Variants in PRIM2 observed in about 807,000 individuals in gnomAD.
The protein encoded by PRIM2 is DNA primase subunit 2.
PRIM2 carries 39 observed loss-of-function variants against 67.3 expected under a neutral mutation model. The ratio of observed to expected loss-of-function variants is 0.58; its 90% CI spans 0.45 to 0.76. The LOEUF (loss-of-function observed/expected upper bound fraction) is 0.76. Ranked by LOEUF, PRIM2 falls within the 30% of genes least tolerant of loss-of-function variation. PRIM2 has a pLI of 0.00. For missense variants in PRIM2, 398 were observed against 598.7 expected, an observed-to-expected ratio of 0.66 and a Z score of 3.50; for synonymous variants, 143 against 198.7, an observed-to-expected ratio of 0.72 and a Z score of 2.36.
the PRIM2 span, among the ~76,000 whole-genome samples, chr6:57,256,016 C>T: frequency 1.8e-5 from 2 of 110,032 alleles, no homozygotes; most frequent in African/African-American, 1.1e-4. Context: ...CACGCACACA[C>T]ACACACATAC....
At chr6:57,324,116 C>T in intron 3 of PRIM2, 85 bp from the exon 4 acceptor site, 1 of 715,226 alleles carries the variant, frequency 1.4e-6, no homozygotes, top group Non-Finnish European at 2.4e-6. Flanking sequence ...ACTTACTTTA[C>T]CATTGGCTTA....
intron 7 of PRIM2, among the ~76,000 whole-genome samples, chr6:57,434,280 G>T (rs192265753): frequency 1.3e-5 from 2 of 152,054 alleles, no homozygotes; most frequent in Admixed American, 6.5e-5. Flanking sequence ...GGGTGGTTGG[G>T]TTAACACATG....
chr6:57,250,405 C>G, the PRIM2 span, among the ~76,000 whole-genome samples: 52 of 152,020 alleles, frequency 3.4e-4, no homozygotes, highest in Admixed American at 3.4e-3. Flanking sequence ...TACTTATAAT[C>G]CAAGGGAAAA....
chr6:57,222,445 G>C, the PRIM2 span: 2 of 152,416 alleles, frequency 1.3e-5, no homozygotes, highest in African/African-American at 2.4e-5. Flanking sequence ...GATCAGAGAC[G>C]AGCAGGATCT....
the PRIM2 span, among the ~76,000 whole-genome samples, chr6:57,232,496 C>A: frequency 1.3e-5 from 2 of 152,176 alleles, no homozygotes; most frequent in African/African-American, 4.8e-5. Context: ...TTGCAGTGAG[C>A]TGAGATCGCG....
At chr6:57,222,127 G>A in the PRIM2 span, 1 of 152,256 alleles carries the variant, frequency 6.6e-6, no homozygotes, top group African/African-American at 2.4e-5. Context: ...AGCTCTCCCT[G>A]CGGGGCCGAG....
the PRIM2 span, among the ~76,000 whole-genome samples, chr6:57,287,088 C>T: frequency 2.0e-5 from 3 of 152,042 alleles, no homozygotes; most frequent in Non-Finnish European, 4.4e-5. Flanking sequence ...GAATGGTAAT[C>T]GTTAAAATGT....
intron 12 of PRIM2, among the ~76,000 whole-genome samples, chr6:57,613,403 A>G (rs1776699783): frequency 6.6e-6 from 1 of 152,192 alleles, no homozygotes; most frequent in African/African-American, 2.4e-5. Context: ...GTTAGAAAGA[A>G]AGTATAATGT....
intron 10 of PRIM2, among the ~76,000 whole-genome samples, chr6:57,539,654 GTGTATATATATA>G (rs1169852594): frequency 1.1e-3 from 64 of 55,884 alleles, no homozygotes; most frequent in Middle Eastern, 9.4e-3. Context: ...GTGTGTGTGT[GTGTATATATATA>G]TATATATGCA....
intron 7 of PRIM2, among the ~76,000 whole-genome samples, chr6:57,406,901 A>G (rs1449321355): frequency 6.6e-6 from 1 of 151,774 alleles, no homozygotes; most frequent in Non-Finnish European, 1.5e-5. Context: ...TTGTTCATGT[A>G]TAAGATTGTA....
At chr6:57,370,596 A>G (rs1008645725) in intron 5 of PRIM2, among the ~76,000 whole-genome samples, 1 of 152,036 alleles carries the variant, frequency 6.6e-6, no homozygotes, top group African/African-American at 2.4e-5. Context: ...AGGAAGTGAC[A>G]TGAAATTTAG....
intron 7 of PRIM2, among the ~76,000 whole-genome samples, chr6:57,440,619 G>A (rs546518561): frequency 2.6e-5 from 4 of 152,204 alleles, no homozygotes; most frequent in Admixed American, 6.5e-5. Context: ...GTTTTCTTTG[G>A]GTTTCAAGCT....
At chr6:57,325,300 T>G (rs1767808615) in intron 4 of PRIM2, among the ~76,000 whole-genome samples, 1 of 92,344 alleles carries the variant, frequency 1.1e-5, no homozygotes, top group Non-Finnish European at 2.4e-5. Flanking sequence ...CTTTTCTCTC[T>G]CTCTCTTTTT....
chr6:57,432,828 C>G (rs1771879070), intron 7 of PRIM2, among the ~76,000 whole-genome samples: 1 of 152,190 alleles, frequency 6.6e-6, no homozygotes, highest in Non-Finnish European at 1.5e-5. Flanking sequence ...CTAAATTTTG[C>G]TGTAGTTAAG....
At chr6:57,619,181 C>T (rs1325720209) in intron 12 of PRIM2, among the ~76,000 whole-genome samples, 1 of 152,150 alleles carries the variant, frequency 6.6e-6, no homozygotes, top group African/African-American at 2.4e-5. Context: ...ACAATTATTG[C>T]AGTTCGGCTC....
At chr6:57,451,575 G>C (rs1180578217) in intron 7 of PRIM2, among the ~76,000 whole-genome samples, 4 of 151,926 alleles carry the variant, frequency 2.6e-5, no homozygotes, top group Admixed American at 6.6e-5. Flanking sequence ...TTCATTTAAG[G>C]CTCATTCCAG....
chr6:57,256,842 G>A, the PRIM2 span, among the ~76,000 whole-genome samples: 1 of 152,122 alleles, frequency 6.6e-6, no homozygotes, highest in Non-Finnish European at 1.5e-5. Flanking sequence ...TAGCCATGGT[G>A]AACTTCATCT....
chr6:57,357,222 G>C (rs1048908319), intron 5 of PRIM2, among the ~76,000 whole-genome samples: 1 of 152,136 alleles, frequency 6.6e-6, no homozygotes, highest in Non-Finnish European at 1.5e-5. Flanking sequence ...GTGAGCCACC[G>C]TGCCGGCCTA....
At chr6:57,529,859 C>G (rs2127467433) in intron 8 of PRIM2, among the ~76,000 whole-genome samples, 2 of 152,292 alleles carry the variant, frequency 1.3e-5, no homozygotes, top group South Asian at 4.1e-4. Context: ...ATTTCTTACA[C>G]TTATGGAGGA....
Sources: gnomAD v4.1 joint callset for allele counts (sites outside exome capture counted in the v4.1 genomes callset) on GRCh38, gnomAD v4.1.1 for gene constraint, MANE v1.5 for transcripts, NCBI Gene and HGNC (gene_info 2026-07-23, HGNC 2026-07-21) for gene names.